DRAXIN: variants seen among roughly 807,000 people sequenced by gnomAD.
DRAXIN encodes dorsal repulsive axon guidance protein.
DRAXIN carries 27 observed loss-of-function variants against 33.9 expected under a neutral mutation model. That is an observed-to-expected ratio of 0.80 (90% confidence interval 0.59 to 1.10). The LOEUF (loss-of-function observed/expected upper bound fraction) is 1.10. Among genes scored for constraint, DRAXIN ranks in the 50% least tolerant of loss-of-function variants. The probability of loss-of-function intolerance (pLI) is 0.00; values close to 1 mark genes in which losing one functional copy is unlikely to be tolerated. For missense variants in DRAXIN, 371 were observed against 460.8 expected, an observed-to-expected ratio of 0.81 and a Z score of 1.78; for synonymous variants, 178 against 194.0, an observed-to-expected ratio of 0.92 and a Z score of 0.69.
At chr1:11,690,028 T>C (rs772921560), upstream of DRAXIN, among the ~76,000 whole-genome samples, 1 of 152,080 alleles carries the variant, frequency 6.6e-6, no homozygotes. This position sits in a 1 kb window ranked among gnomAD's most constrained non-coding sequence, Gnocchi z 4.2. Flanking sequence ...CCAAAAGAAC[T>C]GCCCCAGCAA....
chr1:11,718,884 A>G (rs1641618884), intron 6 of DRAXIN, among the ~76,000 whole-genome samples: 1 of 151,670 alleles, frequency 6.6e-6, no homozygotes, highest in African/African-American at 2.4e-5. Context: ...CATGTGGTAG[A>G]TTTGTTTGTT....
In DRAXIN at chr1:11,719,931, G is replaced by T. The variant is rs1641636935; in HGVS notation, c.*235G>T. ...CGGACCCACGCAGCCTCCATCCCGC[G>T]TGTCTTGCTCTCCGCGATGGCAATG... is the stretch of plus-strand genomic sequence containing the variant. On this transcript the variant is annotated 3_prime_UTR_variant, in exon 7 of 7. Coordinates refer to ENST00000294485, the MANE Select transcript of DRAXIN (RefSeq NM_198545.4). 3.9e-6 allele frequency: 2 copies of T among 513,302 alleles called. No homozygotes were observed. The highest frequency in any genetic ancestry group is 3.2e-5 in the East Asian group (1 of 31,248). The allele number at this position is 513,302 out of a possible 1,614,324, so 31.8% of individuals were successfully genotyped here.
intron 2 of DRAXIN, among the ~76,000 whole-genome samples, chr1:11,708,242 T>C (rs1353558624): frequency 6.6e-6 from 1 of 151,144 alleles, no homozygotes; most frequent in Non-Finnish European, 1.5e-5. Context: ...CCTGGGAGAG[T>C]TGATATGGTG....
chr1:11,701,163 C>CCCTG (rs1557687712), intron 1 of DRAXIN, among the ~76,000 whole-genome samples: 1 of 152,174 alleles, frequency 6.6e-6, no homozygotes. Context: ...GGCTCCTGGG[C>CCCTG]CCTGACTGCA....
chr1:11,686,682 C>T, the DRAXIN span, among the ~76,000 whole-genome samples: 1 of 152,138 alleles, frequency 6.6e-6, no homozygotes, highest in East Asian at 1.9e-4. Flanking sequence ...GGATTACAGG[C>T]TTGAGCCACT....
upstream of DRAXIN, among the ~76,000 whole-genome samples, chr1:11,688,166 C>T (rs1640995363): frequency 6.6e-6 from 1 of 152,224 alleles, no homozygotes; most frequent in Non-Finnish European, 1.5e-5. This position sits in a 1 kb window ranked among gnomAD's most constrained non-coding sequence, Gnocchi z 4.6. Flanking sequence ...ACTGCCCCCT[C>T]TCCCAGGCCC....
upstream of DRAXIN, among the ~76,000 whole-genome samples, chr1:11,689,190 G>T (rs2100722241): frequency 6.6e-6 from 1 of 151,908 alleles, no homozygotes; most frequent in East Asian, 1.9e-4. Flanking sequence ...CCAGCTAACT[G>T]GGAGGCTGAG....
intron 3 of DRAXIN, among the ~76,000 whole-genome samples, chr1:11,711,208 G>C (rs573621237): frequency 6.6e-6 from 1 of 152,244 alleles, no homozygotes; most frequent in Non-Finnish European, 1.5e-5. Context: ...CCTTGAGATT[G>C]TGATAAAAGC....
intron 3 of DRAXIN, among the ~76,000 whole-genome samples, chr1:11,709,667 G>C (rs574733110): frequency 6.6e-6 from 1 of 152,314 alleles, no homozygotes; most frequent in South Asian, 2.1e-4. Flanking sequence ...GTCTGCCACT[G>C]TCCAGGGCAA....
At chr1:11,707,126 A>G (rs1482663537) in intron 2 of DRAXIN, among the ~76,000 whole-genome samples, 3 of 152,172 alleles carry the variant, frequency 2.0e-5, no homozygotes, top group Non-Finnish European at 4.4e-5. Context: ...GTGTGAACCC[A>G]GGAGGCGGAG....
Position 11,725,334 on chromosome 1 carries a change from CAAAA to C in DRAXIN, c.*5640_*5643del, listed in dbSNP as rs1350065931. Reference sequence around the variant, plus strand: ...TTGTCTCAAAAAAAGACAAAAAAAACAAAAAGAAATGTAGATTCTTGGGCCCCAC... The same window carrying C: ...TTGTCTCAAAAAAAGACAAAAAAAACAGAAATGTAGATTCTTGGGCCCCAC... On this transcript the variant is annotated 3_prime_UTR_variant, in exon 7 of 7. Transcript: ENST00000294485. The C allele has an allele frequency of 6.6e-6, 1 of 151,778 alleles. No individual in the cohort carries two copies. The highest frequency in any genetic ancestry group is 1.5e-5 in the Non-Finnish European group (1 of 67,944). The allele number at this position is 151,778 out of a possible 1,614,324, so 9.4% of individuals were successfully genotyped here.
intron 6 of DRAXIN, among the ~76,000 whole-genome samples, chr1:11,715,569 T>G (rs1026515263): frequency 6.6e-6 from 1 of 150,702 alleles, no homozygotes; most frequent in Non-Finnish European, 1.5e-5. Context: ...CTCAGAAGGC[T>G]GCCGCTTTCA....
chr1:11,712,742 T>G (rs1178901499), intron 5 of DRAXIN, among the ~76,000 whole-genome samples: 1 of 151,152 alleles, frequency 6.6e-6, no homozygotes, highest in Non-Finnish European at 1.5e-5. Context: ...CTACTAAAAA[T>G]ATAAAAATTA....
intron 6 of DRAXIN, among the ~76,000 whole-genome samples, chr1:11,716,783 C>T (rs562297269): frequency 6.8e-4 from 104 of 152,274 alleles, no homozygotes; most frequent in African/African-American, 2.4e-3. Flanking sequence ...GGGATCCTCC[C>T]GCCTCGGCAA....
intron 2 of DRAXIN, among the ~76,000 whole-genome samples, chr1:11,708,482 A>G (rs1444646982): frequency 6.6e-6 from 1 of 152,162 alleles, no homozygotes; most frequent in African/African-American, 2.4e-5. Flanking sequence ...GTGGTGGCGC[A>G]TGCCTGTAAT....
intron 1 of DRAXIN, among the ~76,000 whole-genome samples, chr1:11,697,822 C>T (rs1641214948): frequency 6.6e-6 from 1 of 152,194 alleles, no homozygotes; most frequent in African/African-American, 2.4e-5. Flanking sequence ...GTAGGTGGGG[C>T]TCTGGCTGCT....
chr1:11,713,153 G>A (rs1453264347), intron 5 of DRAXIN, among the ~76,000 whole-genome samples: 6 of 148,144 alleles, frequency 4.1e-5, no homozygotes, highest in South Asian at 2.2e-4. Context: ...AGCTGAGATC[G>A]TGCCATTGCA....
upstream of DRAXIN, among the ~76,000 whole-genome samples, chr1:11,690,929 A>T (rs1557683864): frequency 3.3e-5 from 5 of 150,652 alleles, no homozygotes; most frequent in East Asian, 2.0e-4. The surrounding 1 kb of genome is among the most constrained non-coding windows in gnomAD (Gnocchi z 4.2). Flanking sequence ...GCCGCGTGTG[A>T]GTGTGTGTGT....
At chr1:11,702,723 T>C (rs999795361) in intron 1 of DRAXIN, among the ~76,000 whole-genome samples, 2 of 151,752 alleles carry the variant, frequency 1.3e-5, no homozygotes, top group African/African-American at 4.8e-5. Flanking sequence ...GATTTATTTA[T>C]GATCTTCTGC....
Sources: gnomAD v4.1 joint callset for allele counts (sites outside exome capture counted in the v4.1 genomes callset) on GRCh38, gnomAD v4.1.1 for gene constraint, Gnocchi (gnomAD v3.1) non-coding constraint, MANE v1.5 for transcripts, NCBI Gene and HGNC (gene_info 2026-07-23, HGNC 2026-07-21) for gene names.